The following KMT2C variants were observed in gnomAD, a reference collection of about 807,000 sequenced individuals.
KMT2C encodes the protein histone-lysine N-methyltransferase 2C.
KMT2C carries 88 observed loss-of-function variants against 507.9 expected under a neutral mutation model. The ratio of observed to expected loss-of-function variants is 0.17; its 90% confidence interval spans 0.15 to 0.21. The LOEUF is 0.21. Ranked by LOEUF, KMT2C falls within the 10% of genes least tolerant of loss-of-function variation. The pLI, the probability that KMT2C is intolerant of heterozygous loss-of-function variation, is 1.00. For missense variants in KMT2C, 4,954 were observed against 5,957.8 expected (o/e 0.83, Z 5.55); for synonymous variants, 2,049 against 2,080.8 (o/e 0.98, Z 0.42).
rs117719595 is a variant in KMT2C, at chr7:152,225,220, T to A, written c.2977-604A>T. Among the ~76,000 whole-genome samples the A allele has an allele frequency of 7.5e-3, 1,147 of 152,288 alleles. 4 individuals are homozygous for A. Among genetic ancestry groups the A allele is most frequent in the Non-Finnish European group, 0.013 (897 of 68,014 alleles). ...TCCTGAAGGAAGCCACACCATGTAA[T>A]ATTAAGATTGTGGAACTTCTTAAAG... is the stretch of plus-strand genomic sequence containing the variant. On this transcript the variant is annotated intron_variant, in intron 18 of 58. Coordinates refer to ENST00000262189, the MANE Select transcript of KMT2C (RefSeq NM_170606.3).
intron 2 of KMT2C, among the ~76,000 whole-genome samples, chr7:152,347,103 G>A (rs2097067455): frequency 6.6e-6 from 1 of 152,052 alleles, no homozygotes; most frequent in Non-Finnish European, 1.5e-5. Flanking sequence ...CAGCCAGGGA[G>A]ACAAGGAAAA....
At chr7:152,233,982 A>C (rs2095202486) in intron 16 of KMT2C, among the ~76,000 whole-genome samples, 1 of 152,052 alleles carries the variant, frequency 6.6e-6, no homozygotes. Context: ...CCAAAACACA[A>C]AAATTAGCCA....
intron 6 of KMT2C, among the ~76,000 whole-genome samples, chr7:152,308,222 G>C (rs1437565930): frequency 1.3e-5 from 2 of 152,118 alleles, no homozygotes; most frequent in Non-Finnish European, 2.9e-5. Context: ...ATGTTCTAAT[G>C]ATTGAATTTT....
At chr7:152,139,827 GACA>G (rs776135680) in intron 55 of KMT2C, 36 bp from the exon 56 acceptor site, 26 of 1,425,202 alleles carry the variant, frequency 1.8e-5, no homozygotes, top group African/African-American at 7.1e-5. Context: ...CAATTTATGT[GACA>G]ACAAGTCTTT....
At chr7:152,433,777 G>A (rs1464430817) in intron 1 of KMT2C, among the ~76,000 whole-genome samples, 2 of 152,206 alleles carry the variant, frequency 1.3e-5, no homozygotes, top group African/African-American at 2.4e-5. Flanking sequence ...TACCCTAATC[G>A]TCCAGTGCAC....
intron 6 of KMT2C, among the ~76,000 whole-genome samples, chr7:152,290,117 G>A (rs1372175264): frequency 6.6e-6 from 1 of 151,262 alleles, no homozygotes; most frequent in Non-Finnish European, 1.5e-5. Flanking sequence ...GGATCACTCA[G>A]TGAACCAATA....
chr7:152,364,074 C>A (rs991155346), intron 1 of KMT2C, among the ~76,000 whole-genome samples: 2 of 152,134 alleles, frequency 1.3e-5, no homozygotes, highest in Non-Finnish European at 1.5e-5. Flanking sequence ...TAGACCATCC[C>A]TAAAAGAGCT....
intron 9 of KMT2C, among the ~76,000 whole-genome samples, chr7:152,257,840 G>A (rs1176595851): frequency 2.0e-5 from 3 of 151,368 alleles, no homozygotes; most frequent in African/African-American, 7.3e-5. Context: ...TAACACTAAC[G>A]ATAGCCGATG....
intron 6 of KMT2C, among the ~76,000 whole-genome samples, chr7:152,280,103 C>A (rs113869852): frequency 0.03 from 3,181 of 106,462 alleles, no homozygotes; most frequent in African/African-American, 0.086. Flanking sequence ...GCGGAGTTTT[C>A]TCCAGCTAGT....
intron 16 of KMT2C, among the ~76,000 whole-genome samples, chr7:152,233,168 C>T (rs905497476): frequency 1.3e-5 from 2 of 152,016 alleles, no homozygotes; most frequent in Admixed American, 1.3e-4. Context: ...AATAATTGTC[C>T]ATGCAAGAAA....
At chr7:152,193,814 A>G (rs1168915321) in intron 31 of KMT2C, among the ~76,000 whole-genome samples, 195 bp downstream of exon 31, 1 of 152,206 alleles carries the variant, frequency 6.6e-6, no homozygotes, top group African/African-American at 2.4e-5. Context: ...GGATAATTAC[A>G]GAATTACAGA....
chr7:152,309,078 A>G (rs2096646680), intron 6 of KMT2C, among the ~76,000 whole-genome samples: 1 of 152,146 alleles, frequency 6.6e-6, no homozygotes, highest in Non-Finnish European at 1.5e-5. Context: ...TAAAATATCA[A>G]ACAGAGGTAG....
intron 2 of KMT2C, among the ~76,000 whole-genome samples, chr7:152,348,449 A>C (rs531473953): frequency 6.6e-6 from 1 of 151,454 alleles, no homozygotes; most frequent in Non-Finnish European, 1.5e-5. Flanking sequence ...ATACAAAAAA[A>C]GTAGCCAGGC....
chr7:152,402,216 A>T (rs536319290), intron 1 of KMT2C, among the ~76,000 whole-genome samples: 3 of 234 alleles, frequency 0.013, no homozygotes, highest in African/African-American at 0.05. Flanking sequence ...TAACTAGCAG[A>T]GAAATTAAAA....
chr7:152,180,944 G>C lies in KMT2C; in HGVS notation c.6916C>G (p.Pro2306Ala), dbSNP rs369563648. Residue 2306 changes from proline (P) to alanine (A), a missense_variant, in exon 36 of 59, where the codon CCA becomes GCA. Physicochemically the swap from Pro to Ala is conservative, Grantham distance 27 (BLOSUM62 -1). Coordinates refer to ENST00000262189, the MANE Select transcript of KMT2C (RefSeq NM_170606.3). ...CCAAAAGAGTCAGACTGAGATCTTG[G>C]AGTCATTGGAGACTGATCATAGGGA... ...RDPYDQSPMTPRSQSDSFGTS... is the reference protein window; with the variant it reads ...RDPYDQSPMTARSQSDSFGTS... 1 of 1,614,188 alleles carries C rather than the reference G, an allele frequency of 6.2e-7. No homozygotes were observed. The highest frequency in any genetic ancestry group is 2.2e-5 in the East Asian group (1 of 44,874).
chr7:152,356,934 A>AATAATG (rs1688463565), intron 2 of KMT2C, among the ~76,000 whole-genome samples: 1 of 148,026 alleles, frequency 6.8e-6, no homozygotes, highest in Non-Finnish European at 1.5e-5. Flanking sequence ...TAATAATAAT[A>AATAATG]GCAATAATAA....
chr7:152,426,925 A>T (rs1440656792), intron 1 of KMT2C, among the ~76,000 whole-genome samples: 1 of 152,136 alleles, frequency 6.6e-6, no homozygotes, highest in African/African-American at 2.4e-5. Flanking sequence ...TTGTCAAATG[A>T]TTTACCATTT....
In KMT2C at chr7:152,187,395, T is replaced by C. The variant is rs2129124695; in HGVS notation, c.4875A>G (p.Glu1625=). ...WTSSAPTVEG[E]NDTMSNAQRS... ...TCTGGGCATTCGACATTGTGTCATT[T>C]TCTCCTTCCACAGTGGGAGCTGATG... Residue 1625 remains glutamate, a synonymous_variant, in exon 33 of 59, where the codon GAA becomes GAG. Transcript: ENST00000262189. The C allele has an allele frequency of 4.3e-6, 7 of 1,614,200 alleles. No homozygotes were observed. The highest frequency in any genetic ancestry group is 5.9e-6 in the Non-Finnish European group (7 of 1,180,014).
intron 38 of KMT2C, among the ~76,000 whole-genome samples, chr7:152,175,924 T>C (rs59934980): frequency 6.6e-6 from 1 of 152,036 alleles, no homozygotes; most frequent in South Asian, 2.1e-4. Context: ...GTGTCTGTAG[T>C]CCCAGCTACT....
Sources: gnomAD v4.1 joint callset for allele counts (sites outside exome capture counted in the v4.1 genomes callset) on GRCh38, gnomAD v4.1.1 for gene constraint, MANE v1.5 for transcripts, NCBI Gene and HGNC (gene_info 2026-07-23, HGNC 2026-07-21) for gene names.